Variants in GRIK2 observed in about 807,000 individuals in gnomAD.
GRIK2 encodes the protein glutamate ionotropic receptor kainate type subunit 2, also known as glutamate receptor ionotropic, kainate 2.
A neutral mutation model predicts 100.3 loss-of-function variants in GRIK2; 32 were observed. That is an observed-to-expected ratio of 0.32 (90% CI 0.24 to 0.43). The LOEUF (loss-of-function observed/expected upper bound fraction) is 0.43. Among genes scored for constraint, GRIK2 ranks in the 20% least tolerant of loss-of-function variants. The probability of loss-of-function intolerance (pLI) is 1.00; values close to 1 mark genes in which losing one functional copy is unlikely to be tolerated. For missense variants in GRIK2, 843 were observed against 1,114.9 expected (o/e 0.76, Z 3.47); for synonymous variants, 417 against 389.4 (o/e 1.07, Z -0.83).
chr6:102,037,908 T>A (rs2114437565), intron 15 of GRIK2, among the ~76,000 whole-genome samples: 1 of 151,458 alleles, frequency 6.6e-6, no homozygotes, highest in East Asian at 1.9e-4. Context: ...CTTTGATAAT[T>A]TTTGAAATAT....
chr6:101,591,390 A>G (rs184611186), intron 2 of GRIK2, among the ~76,000 whole-genome samples: 1 of 150,944 alleles, frequency 6.6e-6, no homozygotes, highest in East Asian at 2.0e-4. Context: ...ATTATCTACT[A>G]CTCTTTATCT....
At chr6:101,665,138 A>G (rs1226938891) in intron 4 of GRIK2, among the ~76,000 whole-genome samples, 1 of 152,174 alleles carries the variant, frequency 6.6e-6, no homozygotes, top group Non-Finnish European at 1.5e-5. Context: ...GGCTATGACC[A>G]GGTAGGTGCT....
chr6:101,444,922 C>A (rs1448577890), intron 2 of GRIK2, among the ~76,000 whole-genome samples: 2 of 152,098 alleles, frequency 1.3e-5, no homozygotes, highest in Non-Finnish European at 2.9e-5. Flanking sequence ...TTAATTTCCC[C>A]TAATTTGCTG....
chr6:102,033,238 T>C (rs1254792074), intron 14 of GRIK2, among the ~76,000 whole-genome samples: 1 of 148,870 alleles, frequency 6.7e-6, no homozygotes, highest in African/African-American at 2.6e-5. Context: ...TTATTTTGCT[T>C]GAAAAAAATT....
chr6:101,807,420 C>T (rs192852810), intron 9 of GRIK2, among the ~76,000 whole-genome samples: 6 of 151,886 alleles, frequency 4.0e-5, no homozygotes, highest in East Asian at 1.9e-4. Flanking sequence ...TTTGTCCTTA[C>T]AAGTTACAGT....
At chr6:101,788,775 G>A (rs1779614703) in intron 7 of GRIK2, among the ~76,000 whole-genome samples, 2 of 152,120 alleles carry the variant, frequency 1.3e-5, no homozygotes, top group Non-Finnish European at 2.9e-5. Flanking sequence ...AGGTCCCTGA[G>A]GAATCGCCAC....
intron 7 of GRIK2, among the ~76,000 whole-genome samples, chr6:101,786,303 CTGAT>C (rs1779420563): frequency 1.3e-5 from 2 of 151,304 alleles, no homozygotes; most frequent in Non-Finnish European, 3.0e-5. Flanking sequence ...TTTCTGTTGT[CTGAT>C]TGCTCTGAGT....
chr6:101,548,018 G>T (rs1428614223), intron 2 of GRIK2, among the ~76,000 whole-genome samples: 1 of 151,968 alleles, frequency 6.6e-6, no homozygotes, highest in East Asian at 1.9e-4. Flanking sequence ...CATTCTAACT[G>T]GTGTGAGATG....
At chr6:101,646,323 T>G (rs972234399) in intron 4 of GRIK2, among the ~76,000 whole-genome samples, 9 of 152,000 alleles carry the variant, frequency 5.9e-5, no homozygotes, top group African/African-American at 1.9e-4. Flanking sequence ...CTTGATGATC[T>G]AATTATAATG....
chr6:101,420,651 C>G (rs1253056852), intron 2 of GRIK2, among the ~76,000 whole-genome samples: 2 of 152,066 alleles, frequency 1.3e-5, no homozygotes, highest in Non-Finnish European at 2.9e-5. Flanking sequence ...CTTGAGAACC[C>G]CTAATTATCC....
chr6:101,469,774 TC>T (rs538283901), intron 2 of GRIK2, among the ~76,000 whole-genome samples: 30 of 152,276 alleles, frequency 2.0e-4, no homozygotes, highest in African/African-American at 7.2e-4. Context: ...TCCTGTGCCA[TC>T]CCTGAATTGC....
intron 11 of GRIK2, among the ~76,000 whole-genome samples, chr6:101,868,847 C>T (rs558638132): frequency 6.6e-6 from 1 of 151,736 alleles, no homozygotes; most frequent in Non-Finnish European, 1.5e-5. Context: ...GAAAAAAATT[C>T]AGTATTATTC....
At chr6:101,862,667 C>G (rs549398621) in intron 11 of GRIK2, among the ~76,000 whole-genome samples, 1 of 152,050 alleles carries the variant, frequency 6.6e-6, no homozygotes, top group East Asian at 1.9e-4. Context: ...TCCAGGGATC[C>G]TCCTGCCTTA....
At chr6:101,694,713 C>A (rs1772356210) in intron 7 of GRIK2, among the ~76,000 whole-genome samples, 1 of 151,916 alleles carries the variant, frequency 6.6e-6, no homozygotes, top group Admixed American at 6.6e-5. Flanking sequence ...TACTAGTTTG[C>A]ATTCAGGGTA....
chr6:101,394,008 G>A (rs931782108), intron 1 of GRIK2, among the ~76,000 whole-genome samples, 171 bp downstream of exon 1: 1 of 152,244 alleles, frequency 6.6e-6, no homozygotes, highest in Non-Finnish European at 1.5e-5. Flanking sequence ...CCGCTGGACG[G>A]ATTCACTGCG....
intron 12 of GRIK2, among the ~76,000 whole-genome samples, chr6:101,900,906 GT>G (rs532866711): frequency 8.8e-4 from 126 of 143,598 alleles, no homozygotes; most frequent in East Asian, 6.5e-3. Context: ...GAGTGTCCTT[GT>G]TTTTTTTTTT....
intron 6 of GRIK2, among the ~76,000 whole-genome samples, chr6:101,682,998 A>G (rs561354973): frequency 6.6e-6 from 1 of 152,122 alleles, no homozygotes; most frequent in South Asian, 2.1e-4. Context: ...GAGGTCAGGA[A>G]TTCAAGAACA....
intron 14 of GRIK2, among the ~76,000 whole-genome samples, chr6:101,976,234 T>C (rs1215994447): frequency 6.6e-6 from 1 of 151,988 alleles, no homozygotes; most frequent in Admixed American, 6.6e-5. Context: ...TGGAGACCAC[T>C]GAAGAAATTT....
intron 5 of GRIK2, among the ~76,000 whole-genome samples, chr6:101,682,230 C>T (rs578118295): frequency 2.0e-5 from 3 of 152,244 alleles, no homozygotes; most frequent in South Asian, 2.1e-4. Context: ...GTAGTGAAGA[C>T]GTTACGAATG....
Sources: allele counts gnomAD v4.1 joint callset (sites outside exome capture counted in the v4.1 genomes callset), GRCh38; gene constraint gnomAD v4.1.1; transcripts MANE v1.5; gene names NCBI Gene and HGNC (gene_info 2026-07-23, HGNC 2026-07-21).